The following DOCK10 variants were observed in gnomAD, a reference collection of about 807,000 sequenced individuals.
The protein encoded by DOCK10 is dedicator of cytokinesis 10.
In DOCK10, 145 loss-of-function variants were observed where a neutral mutation model predicts 280.1. That is an observed-to-expected ratio of 0.52 (90% confidence interval 0.45 to 0.59). The LOEUF (loss-of-function observed/expected upper bound fraction) is 0.59. DOCK10 is among the 20% of genes least tolerant of loss of function. DOCK10 has a pLI of 0.00. For synonymous variants in DOCK10, 915 were observed against 942.2 expected, an observed-to-expected ratio of 0.97 and a Z score of 0.53; for missense variants, 2,368 against 2,651.7, an observed-to-expected ratio of 0.89 and a Z score of 2.35.
intron 4 of DOCK10, among the ~76,000 whole-genome samples, chr2:224,892,419 A>ATAG (rs1553606793): frequency 7.2e-5 from 5 of 69,766 alleles, no homozygotes; most frequent in Non-Finnish European, 1.3e-4. Context: ...AAAAAAAAAA[A>ATAG]AAAGAAAGAA....
chr2:225,004,700 G>A (rs1023029168), intron 1 of DOCK10, among the ~76,000 whole-genome samples: 1 of 152,216 alleles, frequency 6.6e-6, no homozygotes, highest in Non-Finnish European at 1.5e-5. Flanking sequence ...ATAATTCAGA[G>A]AGCATTTGTT....
At chr2:224,909,602 T>C in intron 3 of DOCK10, among the ~76,000 whole-genome samples, 1 of 152,132 alleles carries the variant, frequency 6.6e-6, no homozygotes. Context: ...TGTAAGAACA[T>C]GGAATATTAT....
intron 1 of DOCK10, among the ~76,000 whole-genome samples, chr2:224,971,176 A>G (rs1480873355): frequency 6.6e-6 from 1 of 152,214 alleles, no homozygotes; most frequent in East Asian, 1.9e-4. Context: ...TTTAAAGAGA[A>G]GTACCATTTG....
chr2:224,865,056 T>C lies in DOCK10; in HGVS notation c.1289A>G (p.Tyr430Cys). The C allele has an allele frequency of 1.2e-6, 2 of 1,613,956 alleles. No homozygotes were observed. Among genetic ancestry groups the C allele is most frequent in the Non-Finnish European group, 1.7e-6 (2 of 1,179,886 alleles). ...AATCTTCCTGCTGTCTCTGAGGTCA[T>C]AAAGTGCCACACTCACAAAAAAAGG... Reference protein sequence around the residue: ...IEPFFVSVALYDLRDSRKISA... With the variant: ...IEPFFVSVALCDLRDSRKISA... The change falls in exon 12 of 56, where the codon TAT becomes TGT. Residue 430 changes from tyrosine to cysteine, a missense_variant. Tyr to Cys is a radical substitution (Grantham distance 194). Coordinates refer to ENST00000258390, the MANE Select transcript of DOCK10 (RefSeq NM_014689.3).
rs540092623 is a variant in DOCK10, at chr2:224,973,043, G to A, written c.124-41375C>T. Among the ~76,000 whole-genome samples, 26 of 152,230 alleles carry A rather than the reference G, an allele frequency of 1.7e-4. 1 individual carries two copies. The South Asian group carries it at 4.8e-3, about 28-fold the overall frequency. Reference sequence around the variant, plus strand: ...GCACAAAGTAAGTTTCTGCTTAACAGATTCTTTTTTCTATAACAATTCTTT... The same window carrying A: ...GCACAAAGTAAGTTTCTGCTTAACAAATTCTTTTTTCTATAACAATTCTTT... On this transcript the variant is annotated intron_variant, in intron 1 of 55. Transcript: ENST00000258390.
intron 38 of DOCK10, among the ~76,000 whole-genome samples, chr2:224,804,432 G>A (rs1693241072): frequency 6.7e-6 from 1 of 149,538 alleles, no homozygotes; most frequent in Non-Finnish European, 1.5e-5. Context: ...ACAGTACGAA[G>A]TTATTCCAGA....
chr2:224,770,887 A>ATT lies in DOCK10; in HGVS notation c.6205-244_6205-243dup, dbSNP rs139760578. On this transcript the variant is annotated intron_variant, in intron 53 of 55. Transcript: ENST00000258390. This position sits in a 1 kb window ranked among gnomAD's most constrained non-coding sequence, Gnocchi z 4.5. ...TTCAGTCCTTTGCCAACCCCTTCAC[A>ATT]TTTTTTTTTTTTGTCATATCTGTAC... 1.5e-4 allele frequency among the ~76,000 whole-genome samples: 21 copies of ATT among 142,034 alleles called. No homozygotes were observed. The highest frequency in any genetic ancestry group is 5.1e-4 in the African/African-American group (20 of 39,198). The allele number at this position is 142,034 out of a possible 152,430, so 93.2% of individuals were successfully genotyped here. A position where few individuals can be genotyped will look rare whatever the true frequency, so the allele number is the denominator to read the frequency against.
chr2:225,022,205 T>A (rs1689799659), intron 1 of DOCK10, among the ~76,000 whole-genome samples: 1 of 152,224 alleles, frequency 6.6e-6, no homozygotes, highest in African/African-American at 2.4e-5. Context: ...GAATCCTAGA[T>A]CTACCGTTTA....
At chr2:224,818,167 C>T (rs568402035) in intron 29 of DOCK10, among the ~76,000 whole-genome samples, 1 of 152,230 alleles carries the variant, frequency 6.6e-6, no homozygotes, top group East Asian at 1.9e-4. Context: ...TACTGTCAGG[C>T]CCCACGTAAC....
intron 1 of DOCK10, among the ~76,000 whole-genome samples, chr2:225,033,303 C>G (rs1401284207): frequency 1.3e-5 from 2 of 152,062 alleles, no homozygotes; most frequent in Non-Finnish European, 2.9e-5. Context: ...CTGCCTCAGC[C>G]TCCCGAGCAG....
chr2:224,770,214 C>T lies in DOCK10; in HGVS notation c.6441G>A (p.Glu2147=), dbSNP rs1247777786. The T allele has an allele frequency of 1.3e-6, 2 of 1,569,626 alleles. No homozygotes were observed. Among genetic ancestry groups the T allele is most frequent in the Non-Finnish European group, 1.7e-6 (2 of 1,159,250 alleles). Residue 2147 remains glutamate (E), a synonymous_variant, in exon 55 of 56, where the codon GAG becomes GAA. Coordinates refer to ENST00000258390, the MANE Select transcript of DOCK10 (RefSeq NM_014689.3). The surrounding 1 kb of genome is among the most constrained non-coding windows in gnomAD (Gnocchi z 4.5). ...GTGTGCACCAAGGAGCGCTCACCTG[C>T]TCATTCATGACTGTGGAGAGTTCGC... ...MLSELSTVMN[E]QITGRDDLSK...
In DOCK10 at chr2:224,765,785, C is replaced by T. The variant is rs371356763; in HGVS notation, c.6497G>A (p.Arg2166Gln). The T allele has an allele frequency of 6.1e-5, 99 of 1,613,856 alleles. No homozygotes were observed. The highest frequency in any genetic ancestry group is 3.7e-4 in the African/African-American group (28 of 75,012). ...GGCCGGAGTTGCTTTGCTAATTACTCGAGTGCAGGTTTGGTCCACTCCGCG... is the reference window on the plus strand; with the variant it reads ...GGCCGGAGTTGCTTTGCTAATTACTTGAGTGCAGGTTTGGTCCACTCCGCG... Reference protein sequence around the residue: ...SKRGVDQTCTRVISKATPALP... With the variant: ...SKRGVDQTCTQVISKATPALP... Residue 2166 changes from arginine (R) to glutamine (Q), a missense_variant, in exon 56 of 56, where the codon CGA (arginine) becomes CAA (glutamine). Around this residue, in one of 2 missense-constraint regions of DOCK10, gnomAD observed 1,159 missense variants for 1,400.8 expected, o/e 0.83. Coordinates refer to ENST00000258390, the MANE Select transcript of DOCK10 (RefSeq NM_014689.3).
intron 1 of DOCK10, among the ~76,000 whole-genome samples, chr2:224,996,296 C>T (rs1458116368): frequency 6.6e-6 from 1 of 152,154 alleles, no homozygotes; most frequent in East Asian, 1.9e-4. Context: ...AGAAACAAAT[C>T]CTAAAAGGCC....
intron 1 of DOCK10, among the ~76,000 whole-genome samples, chr2:224,978,260 T>C (rs995311921): frequency 4.6e-5 from 7 of 151,900 alleles, no homozygotes; most frequent in African/African-American, 1.7e-4. Flanking sequence ...TGGTGATACC[T>C]CGTCTCTATT....
At chr2:224,789,009 C>T (rs1035280425) in intron 48 of DOCK10, 55 bp downstream of exon 48, 2 of 1,095,992 alleles carry the variant, frequency 1.8e-6, no homozygotes, top group Non-Finnish European at 2.7e-6. Context: ...CTTAATGTCA[C>T]AAGCCAATGC....
In DOCK10 at chr2:224,907,017, G is replaced by A. The variant is rs1281176162; in HGVS notation, c.333+9678C>T. On this transcript the variant is annotated intron_variant, in intron 3 of 55. Coordinates refer to ENST00000258390, the MANE Select transcript of DOCK10 (RefSeq NM_014689.3). ...ATCTGTAGTAACAGTAAATCAGTGG[G>A]ACAAGAAATTTCTATGTAAATTTCA... 2.6e-5 allele frequency among the ~76,000 whole-genome samples: 4 copies of A among 152,086 alleles called. No homozygotes were observed. In the East Asian group the frequency reaches 7.7e-4, roughly 29 times the overall value.
At position 224,805,040 on chromosome 2, in the gene DOCK10, A is replaced by G. The variant is rs763111406; in HGVS notation, c.4118+18T>C. ...AATTTCCAGAAAAAAGTGTTAAGTC[A>G]TCAACTCTAAAACTTACTCCAAGAT... On this transcript the variant is annotated intron_variant, in intron 37 of 55. Transcript: ENST00000258390. This position sits in a 1 kb window ranked among gnomAD's most constrained non-coding sequence, Gnocchi z 4.3. The G allele has an allele frequency of 1.3e-6, 2 of 1,590,336 alleles. No individual in the cohort carries two copies. The highest frequency in any genetic ancestry group is 3.6e-5 in the Admixed American group (2 of 55,498).
intron 2 of DOCK10, among the ~76,000 whole-genome samples, chr2:224,929,344 T>C (rs1702199815): frequency 6.6e-6 from 1 of 152,260 alleles, no homozygotes. Context: ...TTCAGTATTA[T>C]ACATCATGTA....
At chr2:224,902,831 C>A (rs1262437841) in intron 3 of DOCK10, among the ~76,000 whole-genome samples, 2 of 152,038 alleles carry the variant, frequency 1.3e-5, no homozygotes, top group Non-Finnish European at 2.9e-5. Flanking sequence ...CGGTGGCTCA[C>A]GCTTGTAATC....
Sources: gnomAD v4.1 joint callset for allele counts (sites outside exome capture counted in the v4.1 genomes callset) on GRCh38, gnomAD v4.1.1 for gene constraint, gnomAD v4.1.1 regional missense constraint, Gnocchi (gnomAD v3.1) non-coding constraint, MANE v1.5 for transcripts, NCBI Gene and HGNC (gene_info 2026-07-23, HGNC 2026-07-21) for gene names.